Variants in FANCE observed in about 807,000 individuals in gnomAD.
FANCE encodes the protein FA complementation group E, also known as Fanconi anemia group E protein.
FANCE carries 42 observed loss-of-function variants against 57.8 expected under a neutral mutation model. That is an observed-to-expected ratio of 0.73 (90% CI 0.57 to 0.94). The LOEUF is 0.94. FANCE is among the 40% of genes least tolerant of loss of function. The pLI is 0.00. For synonymous variants in FANCE, 251 were observed against 286.4 expected, an observed-to-expected ratio of 0.88 and a Z score of 1.25; for missense variants, 608 against 661.8, an observed-to-expected ratio of 0.92 and a Z score of 0.89.
rs3800377 is a variant in FANCE at position 35,456,411 on chromosome 6, A to G, written c.855+58A>G. 1,064,783 of 1,611,280 alleles carry G rather than the reference A, an allele frequency of 0.66. 354,876 individuals carry two copies. The highest frequency in any genetic ancestry group is 0.87 in the African/African-American group (64,974 of 74,938). On this transcript the variant is annotated intron_variant, in intron 2 of 9. Transcript: ENST00000229769. This position sits in a 1 kb window ranked among gnomAD's most constrained non-coding sequence, Gnocchi z 4.3. ...TCTTTCAGCAGTGGTGGCTTTATCC[A>G]TGGGGAAGGCTGCTTGGGACACTTT...
At chr6:35,458,564 C>A in intron 5 of FANCE, 124 bp downstream of exon 5, 1 of 1,244,452 alleles carries the variant, frequency 8.0e-7, no homozygotes, top group Non-Finnish European at 1.2e-6. Flanking sequence ...GTTTGGGCAG[C>A]CTGGGGCAAG....
Position 35,452,631 on chromosome 6 carries a change from TGCTGCAGGC to T in FANCE, c.97_105del (p.Leu33_Ala35del), listed in dbSNP as rs780106496. ...CAGCTGGAGGCCCCCGCCCGCCTCC[TGCTGCAGGC>T]GCTGCAGGCGGGGCCTGAGGGGGCG... is the stretch of plus-strand genomic sequence containing the variant. On this transcript the variant is annotated inframe_deletion, in exon 1 of 10. Transcript: ENST00000229769. 147 of 1,268,280 alleles carry T rather than the reference TGCTGCAGGC, an allele frequency of 1.2e-4. No individual in the cohort carries two copies. The highest frequency in any genetic ancestry group is 3.0e-4 in the Middle Eastern group (1 of 3,380). 78.6% of individuals were successfully genotyped at this position (1,268,280 alleles called of 1,614,324 possible).
Position 35,462,885 on chromosome 6 carries a change from C to G in FANCE, c.1480C>G (p.Leu494Val), listed in dbSNP as rs777906695. The G allele has an allele frequency of 5.6e-6, 9 of 1,614,134 alleles. No individual in the cohort carries two copies. In the African/African-American group the frequency reaches 9.3e-5, roughly 17 times the overall value. ...TTSMAYAKLM[L>V]TVMTKYQANI... ...CTCCATGGCCTATGCCAAGCTCATGCTGACAGTGATGACCAAGTATCAGGC... is the reference window on the plus strand; with the variant it reads ...CTCCATGGCCTATGCCAAGCTCATGGTGACAGTGATGACCAAGTATCAGGC... Residue 494 changes from leucine to valine, a missense_variant, in exon 9 of 10, where the codon CTG becomes GTG. By Grantham distance (32) the Leu-to-Val change is conservative. Transcript: ENST00000229769.
intron 9 of FANCE, among the ~76,000 whole-genome samples, chr6:35,465,099 C>G (rs1222674121): frequency 2.6e-5 from 4 of 152,040 alleles, no homozygotes; most frequent in African/African-American, 4.8e-5. Flanking sequence ...GTTAAAGTAA[C>G]TTGCCCAAGG....
Position 35,452,659 on chromosome 6 carries a change from G to GGGGGC in FANCE, c.116_120dup (p.Arg41GlyfsTer45). 8.0e-7 allele frequency: 1 copy of GGGGGC among 1,245,946 alleles called. No individual in the cohort carries two copies. Among genetic ancestry groups the GGGGGC allele is most frequent in the Non-Finnish European group, 1.0e-6 (1 of 998,494 alleles). 77.2% of individuals were successfully genotyped at this position (1,245,946 alleles called of 1,614,324 possible). ...TGCAGGCGCTGCAGGCGGGGCCTGA[G>GGGGGC]GGGGCGCGGCGCGGCCTGGGGGTGC... On this transcript the variant is annotated frameshift_variant, in exon 1 of 10. Coordinates refer to ENST00000229769, the MANE Select transcript of FANCE (RefSeq NM_021922.3). LOFTEE classifies it high-confidence loss of function.
At chr6:35,462,667 A>T in intron 8 of FANCE, 122 bp from the exon 9 acceptor site, 1 of 1,300,700 alleles carries the variant, frequency 7.7e-7, no homozygotes, top group Non-Finnish European at 1.1e-6. Context: ...TAGGTTGGTT[A>T]AGTTACCTGC....
chr6:35,464,196 TATTAA>T lies in FANCE; in HGVS notation c.1509+1286_1509+1290del, dbSNP rs561765380. Among the ~76,000 whole-genome samples the T allele has an allele frequency of 7.9e-5, 12 of 151,976 alleles. No homozygotes were observed. The East Asian group carries it at 2.3e-3, about 29-fold the overall frequency. ...TGCCATGTCTCAGTCATGGTTCTTT[TATTAA>T]ATTTAATTTTTCAAAAATAGAGACA... On this transcript the variant is annotated intron_variant, in intron 9 of 9. Transcript: ENST00000229769.
At chr6:35,460,967 G>A (rs1025553448) in intron 8 of FANCE, among the ~76,000 whole-genome samples, 5 of 151,690 alleles carry the variant, frequency 3.3e-5, no homozygotes, top group Admixed American at 6.6e-5. Flanking sequence ...TGCCCAGGCC[G>A]AAGTGCAGTG....
chr6:35,466,371 G>C lies in FANCE; in HGVS notation c.*26G>C, dbSNP rs1278781882. 1 of 1,414,092 alleles carries C rather than the reference G, an allele frequency of 7.1e-7. No homozygotes were observed. The highest frequency in any genetic ancestry group is 1.0e-6 in the Non-Finnish European group (1 of 997,792). The allele number at this position is 1,414,092 out of a possible 1,614,324, so 87.6% of individuals were successfully genotyped here. ...CCATCCACCAAGGGACCACCCTCTT[G>C]GTGCTCCATCACCAGCTTCCTGAAG... On this transcript the variant is annotated 3_prime_UTR_variant, in exon 10 of 10. Coordinates refer to ENST00000229769, the MANE Select transcript of FANCE (RefSeq NM_021922.3).
chr6:35,453,858 C>A (rs1767211671), intron 1 of FANCE, among the ~76,000 whole-genome samples: 1 of 152,146 alleles, frequency 6.6e-6, no homozygotes, highest in South Asian at 2.1e-4. Flanking sequence ...TAACCTGGGG[C>A]CCCTGGATAG....
rs770543570 is a variant in FANCE at position 35,458,418 on chromosome 6, C to T, written c.1091C>T (p.Thr364Ile). The T allele has an allele frequency of 6.2e-7, 1 of 1,614,132 alleles. No individual in the cohort carries two copies. Among genetic ancestry groups the T allele is most frequent in the South Asian group, 1.1e-5 (1 of 91,080 alleles). The stretch of plus-strand genomic sequence containing the variant: ...AGCCTCAGCAATGCTACTGTGCTGA[C>T]CAGAAGCCTCTTTCTTGGACGGGTA... ...DLSLSNATVL[T>I]RSLFLGRILS... Residue 364 changes from threonine to isoleucine, a missense_variant, in exon 5 of 10, where the codon ACC (threonine) becomes ATC (isoleucine). Coordinates refer to ENST00000229769, the MANE Select transcript of FANCE (RefSeq NM_021922.3).
Position 35,466,668 on chromosome 6 carries a change from G to A in FANCE, c.*323G>A, listed in dbSNP as rs1767852645. The A allele has an allele frequency of 3.3e-5, 14 of 426,656 alleles. No individual in the cohort carries two copies. The highest frequency in any genetic ancestry group is 2.3e-4 in the South Asian group (10 of 44,372). The allele number at this position is 426,656 out of a possible 1,614,324, so 26.4% of individuals were successfully genotyped here. On this transcript the variant is annotated 3_prime_UTR_variant, in exon 10 of 10. Transcript: ENST00000229769. ...ACTGTAACCTCTGCCTCCCAGGCTC[G>A]ATCCTCCCATGTCAGCCTCCCAAGT...
At chr6:35,457,878 G>C in intron 3 of FANCE, 38 bp from the exon 4 acceptor site, 1 of 1,582,576 alleles carries the variant, frequency 6.3e-7, no homozygotes, top group Non-Finnish European at 8.7e-7. Context: ...TTGTCACTGA[G>C]GGCTCTGCCA....
chr6:35,456,332 G>A lies in FANCE; in HGVS notation c.834G>A (p.Leu278=). 2.5e-6 allele frequency: 4 copies of A among 1,614,182 alleles called. No homozygotes were observed. Among genetic ancestry groups the A allele is most frequent in the Non-Finnish European group, 2.5e-6 (3 of 1,180,032 alleles). The change falls in exon 2 of 10, where the codon TTG becomes TTA. Residue 278 remains leucine (L), a synonymous_variant. Coordinates refer to ENST00000229769, the MANE Select transcript of FANCE (RefSeq NM_021922.3). This position sits in a 1 kb window ranked among gnomAD's most constrained non-coding sequence, Gnocchi z 4.3. ...ATGCTAAAGGTCTGGCTGAGAGTTTGGAGTTGCCCAAAGCTATCCAGGTAC... is the reference window on the plus strand; with the variant it reads ...ATGCTAAAGGTCTGGCTGAGAGTTTAGAGTTGCCCAAAGCTATCCAGGTAC... The part of the protein sequence containing the change: ...LDDAKGLAES[L]ELPKAIQDQL...
chr6:35,462,862 C>T lies in FANCE; in HGVS notation c.1457C>T (p.Ser486Phe). ...AAAAAGGGGCTGGCAGCCACCACCTCCATGGCCTATGCCAAGCTCATGCTG... is the reference window on the plus strand; with the variant it reads ...AAAAAGGGGCTGGCAGCCACCACCTTCATGGCCTATGCCAAGCTCATGCTG... ...LCKKGLAATT[S>F]MAYAKLMLTV... Residue 486 changes from serine (S) to phenylalanine (F), a missense_variant, in exon 9 of 10, where the codon TCC becomes TTC. By Grantham distance (155) the Ser-to-Phe change is radical (BLOSUM62 -2). Transcript: ENST00000229769. 2 of 1,614,250 alleles carry T rather than the reference C, an allele frequency of 1.2e-6. No individual in the cohort carries two copies. Among genetic ancestry groups the T allele is most frequent in the Non-Finnish European group, 1.7e-6 (2 of 1,180,044 alleles).
intron 9 of FANCE, 146 bp from the exon 10 acceptor site, chr6:35,466,098 G>C: frequency 1.5e-6 from 1 of 665,688 alleles, no homozygotes; most frequent in Non-Finnish European, 2.7e-6. Flanking sequence ...GTTAACCATG[G>C]TGAAATAATG....
chr6:35,459,968 GA>G (rs1214232924), intron 7 of FANCE, among the ~76,000 whole-genome samples: 1 of 152,094 alleles, frequency 6.6e-6, no homozygotes, highest in Non-Finnish European at 1.5e-5. Context: ...TTTTTTAGGG[GA>G]TCCTTGTGTC....
In FANCE at chr6:35,457,967, GAATGTA is replaced by G. The variant is rs1475613789; in HGVS notation, c.953_958del (p.Glu318_Ser320delinsGly). ...CCCAGTTGAGCTACAGCTTCTTCAC[GAATGTA>G]GTCCCAGCCAGGTGAGTCCAGATGA... On this transcript the variant is annotated inframe_deletion, in exon 4 of 10. Coordinates refer to ENST00000229769, the MANE Select transcript of FANCE (RefSeq NM_021922.3). 3 of 1,614,042 alleles carry G rather than the reference GAATGTA, an allele frequency of 1.9e-6. No individual in the cohort carries two copies. The African/African-American group carries it at 4.0e-5, about 22-fold the overall frequency.
At position 35,463,086 on chromosome 6, in the gene FANCE, G is replaced by A. The variant is rs187907417; in HGVS notation, c.1509+172G>A. ...GAGGCCGAGGCAGGCGGATCATGAG[G>A]TCAGGAGTTCAAGACCAGCCTGGCC... is the stretch of plus-strand genomic sequence containing the variant. On this transcript the variant is annotated intron_variant, in intron 9 of 9. Transcript: ENST00000229769. Among the ~76,000 whole-genome samples, 338 of 152,312 alleles carry A rather than the reference G, an allele frequency of 2.2e-3. 1 individual carries two copies. The highest frequency in any genetic ancestry group is 3.9e-3 in the Non-Finnish European group (265 of 68,026).
Sources: allele counts gnomAD v4.1 joint callset (sites outside exome capture counted in the v4.1 genomes callset), GRCh38; gene constraint gnomAD v4.1.1; non-coding constraint Gnocchi (gnomAD v3.1); transcripts MANE v1.5; gene names NCBI Gene and HGNC (gene_info 2026-07-23, HGNC 2026-07-21).